The following NUSAP1 variants were observed in gnomAD, a reference collection of about 807,000 sequenced individuals.
NUSAP1 encodes nucleolar and spindle associated protein 1.
NUSAP1 carries 32 observed loss-of-function variants against 52.8 expected under a neutral mutation model. The ratio of observed to expected loss-of-function variants is 0.61; its 90% CI spans 0.46 to 0.81. NUSAP1 has a LOEUF of 0.81. NUSAP1 is among the 40% of genes least tolerant of loss of function. NUSAP1 has a pLI of 0.00. For missense variants in NUSAP1, 499 were observed against 522.3 expected, an observed-to-expected ratio of 0.96 and a Z score of 0.43; for synonymous variants, 195 against 183.1, an observed-to-expected ratio of 1.06 and a Z score of -0.52.
At chr15:41,363,529 T>C (rs936176699) in intron 6 of NUSAP1, among the ~76,000 whole-genome samples, 1 of 151,986 alleles carries the variant, frequency 6.6e-6, no homozygotes, top group Admixed American at 6.6e-5. Flanking sequence ...CATGCACTAC[T>C]ACACCCAGCT....
chr15:41,373,486 A>AT (rs1172418493), intron 8 of NUSAP1, among the ~76,000 whole-genome samples: 5 of 130,510 alleles, frequency 3.8e-5, no homozygotes, highest in African/African-American at 1.5e-4. Flanking sequence ...GTCTCACTCT[A>AT]TCACCCAGGC....
intron 10 of NUSAP1, among the ~76,000 whole-genome samples, chr15:41,377,845 CAA>C (rs1403425581): frequency 1.3e-5 from 2 of 151,164 alleles, no homozygotes; most frequent in Admixed American, 6.6e-5. Context: ...ACTAAAAATA[CAA>C]AAAATTAGCC....
chr15:41,377,783 T>A (rs1242540290), intron 10 of NUSAP1, among the ~76,000 whole-genome samples: 7 of 145,270 alleles, frequency 4.8e-5, no homozygotes, highest in Non-Finnish European at 1.0e-4. Flanking sequence ...GGGGGGCAGA[T>A]CACGAGGTCA....
At chr15:41,346,697 C>T (rs1045331160) in intron 2 of NUSAP1, among the ~76,000 whole-genome samples, 7 of 151,440 alleles carry the variant, frequency 4.6e-5, no homozygotes, top group African/African-American at 1.5e-4. Flanking sequence ...TGTGGTGGCA[C>T]GCACCTGTAG....
chr15:41,364,713 C>G (rs565949102), intron 6 of NUSAP1, among the ~76,000 whole-genome samples: 7 of 151,888 alleles, frequency 4.6e-5, no homozygotes, highest in African/African-American at 1.5e-4. Flanking sequence ...ACTAAAAATA[C>G]AAAAATTAGC....
intron 10 of NUSAP1, among the ~76,000 whole-genome samples, chr15:41,377,816 GCAT>G (rs2050021790): frequency 6.9e-6 from 1 of 145,222 alleles, no homozygotes; most frequent in Non-Finnish European, 1.5e-5. Context: ...CCTGGCTAAC[GCAT>G]TGAAACCCCA....
rs564425322 is a variant in NUSAP1 at position 41,369,652 on chromosome 15, A to C, written c.849-1875A>C. 2.0e-5 allele frequency among the ~76,000 whole-genome samples: 3 copies of C among 152,232 alleles called. No individual in the cohort carries two copies. The South Asian group carries it at 6.2e-4, about 32-fold the overall frequency. On this transcript the variant is annotated intron_variant, in intron 7 of 10. Coordinates refer to ENST00000559596, the MANE Select transcript of NUSAP1 (RefSeq NM_016359.5). Reference sequence around the variant, plus strand: ...AACAAGAGCGAAACATTGTCTAAAAAAAAAAGAACACCATGGTCAGAGGTT... The same window carrying C: ...AACAAGAGCGAAACATTGTCTAAAACAAAAAGAACACCATGGTCAGAGGTT...
chr15:41,376,306 G>A (rs2049931748), intron 9 of NUSAP1, among the ~76,000 whole-genome samples: 1 of 151,980 alleles, frequency 6.6e-6, no homozygotes, highest in Admixed American at 6.6e-5. Flanking sequence ...GGCTGAGGCA[G>A]GACAATCGCT....
In NUSAP1 at chr15:41,364,713, C is replaced by A. The variant is rs565949102; in HGVS notation, c.661-689C>A. 1.4e-3 allele frequency among the ~76,000 whole-genome samples: 207 copies of A among 152,006 alleles called. 1 individual carries two copies. Among genetic ancestry groups the A allele is most frequent in the African/African-American group, 4.9e-3 (204 of 41,484 alleles). Reference sequence around the variant, plus strand: ...CAACATCCTGTCTCTACTAAAAATACAAAAATTAGCTGGGCATGGTGGCAG... The same window carrying A: ...CAACATCCTGTCTCTACTAAAAATAAAAAAATTAGCTGGGCATGGTGGCAG... On this transcript the variant is annotated intron_variant, in intron 6 of 10. Coordinates refer to ENST00000559596, the MANE Select transcript of NUSAP1 (RefSeq NM_016359.5).
intron 6 of NUSAP1, 32 bp downstream of exon 6, chr15:41,358,290 C>T (rs767801827): frequency 3.0e-6 from 3 of 1,009,276 alleles, no homozygotes; most frequent in Non-Finnish European, 4.6e-6. Flanking sequence ...CTTAATGGAA[C>T]TAAACTGTTT....
chr15:41,352,222 G>A (rs1036550648), intron 4 of NUSAP1, among the ~76,000 whole-genome samples: 5 of 152,032 alleles, frequency 3.3e-5, no homozygotes, highest in Admixed American at 1.3e-4. Context: ...GATTACAGGC[G>A]TGAGCCACCG....
intron 7 of NUSAP1, among the ~76,000 whole-genome samples, chr15:41,368,111 G>T (rs377026491): frequency 6.6e-6 from 1 of 152,122 alleles, no homozygotes; most frequent in African/African-American, 2.4e-5. Flanking sequence ...GTCCTTTCTT[G>T]TGGGGGGATG....
chr15:41,370,500 C>T (rs2049625778), intron 7 of NUSAP1, among the ~76,000 whole-genome samples: 1 of 151,962 alleles, frequency 6.6e-6, no homozygotes, highest in Non-Finnish European at 1.5e-5. Context: ...CTTGTAATCC[C>T]AGCACTTTGA....
chr15:41,373,598 C>T (rs1283593696), intron 8 of NUSAP1, among the ~76,000 whole-genome samples: 2 of 150,940 alleles, frequency 1.3e-5, no homozygotes, highest in African/African-American at 4.9e-5. Context: ...TACAAGTGCC[C>T]GCCACCACGC....
intron 1 of NUSAP1, among the ~76,000 whole-genome samples, chr15:41,338,079 C>A (rs539007068): frequency 6.6e-6 from 1 of 151,792 alleles, no homozygotes; most frequent in South Asian, 2.1e-4. Context: ...ATTATAGGTG[C>A]CTGCCACCAT....
chr15:41,358,544 C>T (rs1410906641), intron 6 of NUSAP1, among the ~76,000 whole-genome samples: 1 of 152,156 alleles, frequency 6.6e-6, no homozygotes, highest in Non-Finnish European at 1.5e-5. Context: ...CAAGGCCAGC[C>T]TGGGCAACAT....
chr15:41,371,583 C>T lies in NUSAP1; in HGVS notation c.905C>T (p.Ala302Val). 1 of 1,611,458 alleles carries T rather than the reference C, an allele frequency of 6.2e-7. No individual in the cohort carries two copies. The part of the protein sequence containing the change: ...EHKRSLTKTP[A>V]RKSAHVTVSG... Reference sequence around the variant, plus strand: ...AAGCGTTCACTGACCAAGACTCCAGCCAGAAAGTCTGCACATGTGACCGTG... The same window carrying T: ...AAGCGTTCACTGACCAAGACTCCAGTCAGAAAGTCTGCACATGTGACCGTG... Residue 302 changes from alanine to valine, a missense_variant, in exon 8 of 11, where the codon GCC (alanine) becomes GTC (valine). Ala to Val is a moderately conservative substitution (Grantham distance 64). Transcript: ENST00000559596.
At chr15:41,346,095 C>T (rs2048557082) in intron 2 of NUSAP1, among the ~76,000 whole-genome samples, 1 of 151,646 alleles carries the variant, frequency 6.6e-6, no homozygotes, top group Non-Finnish European at 1.5e-5. Context: ...TGCACACCAC[C>T]ATGCCCAGCT....
chr15:41,362,277 C>T (rs2049205591), intron 6 of NUSAP1, among the ~76,000 whole-genome samples: 1 of 151,250 alleles, frequency 6.6e-6, no homozygotes, highest in Admixed American at 6.6e-5. Context: ...AACTTGTATT[C>T]CAAGGTACCT....
Sources: allele counts gnomAD v4.1 joint callset (sites outside exome capture counted in the v4.1 genomes callset), GRCh38; gene constraint gnomAD v4.1.1; transcripts MANE v1.5; gene names NCBI Gene and HGNC (gene_info 2026-07-23, HGNC 2026-07-21).